OR8B2: variants seen among roughly 807,000 people sequenced by gnomAD.
OR8B2 encodes olfactory receptor 8B2.
For synonymous variants in OR8B2, 98 were observed against 138.2 expected (o/e 0.71, Z 2.04); for missense variants, 304 against 379.6 (o/e 0.80, Z 1.65).
At chr11:124,390,237 A>G in the OR8B2 span, among the ~76,000 whole-genome samples, 1 of 152,146 alleles carries the variant, frequency 6.6e-6, no homozygotes, top group Non-Finnish European at 1.5e-5. Context: ...AGGCAATGCA[A>G]TGAGGGGGGA....
chr11:124,384,527 T>C (rs1284224521), upstream of OR8B2: 2 of 152,208 alleles, frequency 1.3e-5, no homozygotes, highest in Admixed American at 1.3e-4. Context: ...TGAGCATAGA[T>C]CTCAGAATCT....
At chr11:124,386,117 C>G (rs1292511996), upstream of OR8B2, among the ~76,000 whole-genome samples, 2 of 151,472 alleles carry the variant, frequency 1.3e-5, no homozygotes, top group Admixed American at 6.6e-5. Flanking sequence ...AGTGCAGATA[C>G]TGCTTGTTTA....
At position 124,383,039 on chromosome 11, in the gene OR8B2, A is replaced by G; in HGVS notation, c.305T>C (p.Phe102Ser). 1.2e-6 allele frequency: 2 copies of G among 1,613,854 alleles called. No homozygotes were observed. Among genetic ancestry groups the G allele is most frequent in the Non-Finnish European group, 1.7e-6 (2 of 1,179,852 alleles). Residue 102 changes from phenylalanine (F) to serine (S), a missense_variant, in exon 2 of 2, where the codon TTT becomes TCT. Physicochemically the swap from Phe to Ser is radical, Grantham distance 155. Coordinates refer to ENST00000641451, the MANE Select transcript of OR8B2 (RefSeq NM_001005468.2). ...AGAGATGACGAAAAAGAGAAAGAAA[A>G]ACAGCCGAGTCATGCACCCAACATT... ...ISNVGCMTRL[F>S]FFLFFVISEC...
chr11:124,396,412 A>C, the OR8B2 span: 1 of 1,592,236 alleles, frequency 6.3e-7, no homozygotes, highest in South Asian at 1.2e-5. Context: ...GCTTCTAATT[A>C]GAATATATTT....
chr11:124,384,895 G>A (rs1348330319), upstream of OR8B2, among the ~76,000 whole-genome samples: 1 of 152,152 alleles, frequency 6.6e-6, no homozygotes, highest in South Asian at 2.1e-4. Context: ...CAGAATTTTT[G>A]CTAATTATAA....
At position 124,383,066 on chromosome 11, in the gene OR8B2, G is replaced by A; in HGVS notation, c.278C>T (p.Ser93Phe). ...MNFVSKKNII[S>F]NVGCMTRLFF... ...CAGCCGAGTCATGCACCCAACATTG[G>A]AGATAATATTCTTTTTTGACACAAA... The change falls in exon 2 of 2, where the codon TCC becomes TTC. Residue 93 changes from serine to phenylalanine, a missense_variant. Coordinates refer to ENST00000641451, the MANE Select transcript of OR8B2 (RefSeq NM_001005468.2). 1.2e-6 allele frequency: 2 copies of A among 1,613,896 alleles called. No homozygotes were observed. The highest frequency in any genetic ancestry group is 8.5e-7 in the Non-Finnish European group (1 of 1,179,868).
the OR8B2 span, chr11:124,396,795 T>A: frequency 6.2e-7 from 1 of 1,611,696 alleles, no homozygotes; most frequent in Non-Finnish European, 8.5e-7. Flanking sequence ...GCAGGAAAGC[T>A]GGAGGAGGGG....
At chr11:124,390,982 G>C in the OR8B2 span, among the ~76,000 whole-genome samples, 1 of 152,046 alleles carries the variant, frequency 6.6e-6, no homozygotes, top group African/African-American at 2.4e-5. Context: ...AGCAACAATT[G>C]CTTCAAAGCC....
chr11:124,392,668 C>T, the OR8B2 span, among the ~76,000 whole-genome samples: 3 of 131,230 alleles, frequency 2.3e-5, no homozygotes, highest in Non-Finnish European at 4.9e-5. Flanking sequence ...GAATCAATAT[C>T]GTGAAAATGG....
chr11:124,394,135 G>A, the OR8B2 span, among the ~76,000 whole-genome samples: 50 of 149,548 alleles, frequency 3.3e-4, no homozygotes, highest in Non-Finnish European at 6.4e-4. Context: ...GGGTTAGCAC[G>A]AGATATACTT....
Position 124,382,901 on chromosome 11 carries a change from G to A in OR8B2, c.443C>T (p.Ala148Val). 6.2e-7 allele frequency: 1 copy of A among 1,606,334 alleles called. No individual in the cohort carries two copies. The highest frequency in any genetic ancestry group is 8.5e-7 in the Non-Finnish European group (1 of 1,175,418). Reference sequence around the variant, plus strand: ...GGCTCCAGCCAATCCCATTATGTAAGCAGCAAAAGTGAGCATAGAACAGAC... The same window carrying A: ...GGCTCCAGCCAATCCCATTATGTAAACAGCAAAAGTGAGCATAGAACAGAC... ...HQVCSMLTFAAYIMGLAGATA... is the reference protein window; with the variant it reads ...HQVCSMLTFAVYIMGLAGATA... The change falls in exon 2 of 2, where the codon GCT becomes GTT. Residue 148 changes from alanine to valine, a missense_variant. Transcript: ENST00000641451.
chr11:124,384,425 C>T lies in OR8B2; in HGVS notation c.-69G>A, dbSNP rs1860660105. 1 of 152,212 alleles carries T rather than the reference C, an allele frequency of 6.6e-6. No homozygotes were observed. The highest frequency in any genetic ancestry group is 2.1e-4 in the South Asian group (1 of 4,826). The allele number at this position is 152,212 out of a possible 1,614,324, so 9.4% of individuals were successfully genotyped here. On this transcript the variant is annotated 5_prime_UTR_variant, in exon 1 of 2. Coordinates refer to ENST00000641451, the MANE Select transcript of OR8B2 (RefSeq NM_001005468.2). Reference sequence around the variant, plus strand: ...CTGACCATTGATATGTGTTTCACCTCCACTGCCCTGGAGGTAGAACTGGTG... The same window carrying T: ...CTGACCATTGATATGTGTTTCACCTTCACTGCCCTGGAGGTAGAACTGGTG...
chr11:124,391,695 T>G, the OR8B2 span, among the ~76,000 whole-genome samples: 1 of 152,062 alleles, frequency 6.6e-6, no homozygotes, highest in Non-Finnish European at 1.5e-5. Context: ...AAGGAGGAAC[T>G]GGTACCATTC....
At chr11:124,397,036 A>G in the OR8B2 span, 5 of 1,613,972 alleles carry the variant, frequency 3.1e-6, no homozygotes, top group Non-Finnish European at 3.4e-6. Flanking sequence ...ATGACAAAAA[A>G]GAGAAAGAAA....
chr11:124,395,425 A>T, the OR8B2 span: 127 of 152,352 alleles, frequency 8.3e-4, no homozygotes, highest in African/African-American at 3.0e-3. Context: ...AATGTGTTTC[A>T]CGTCTTGTTG....
chr11:124,387,431 T>G (rs1860719799), upstream of OR8B2, among the ~76,000 whole-genome samples: 1 of 152,104 alleles, frequency 6.6e-6, no homozygotes, highest in Non-Finnish European at 1.5e-5. Context: ...GAATTAATTT[T>G]TGTATAAGGT....
the OR8B2 span, among the ~76,000 whole-genome samples, chr11:124,391,114 A>T: frequency 1.3e-5 from 2 of 152,158 alleles, no homozygotes; most frequent in African/African-American, 4.8e-5. Context: ...TTTATAACTA[A>T]ACTAATCTGT....
At chr11:124,393,830 C>G in the OR8B2 span, among the ~76,000 whole-genome samples, 1 of 150,766 alleles carries the variant, frequency 6.6e-6, no homozygotes, top group Non-Finnish European at 1.5e-5. Flanking sequence ...GCACTATTCA[C>G]AATAGCAAAG....
chr11:124,394,037 T>C, the OR8B2 span, among the ~76,000 whole-genome samples: 1 of 138,660 alleles, frequency 7.2e-6, no homozygotes, highest in Non-Finnish European at 1.5e-5. Context: ...TTCTCACTGA[T>C]AGATGGCAAT....
Sources: allele counts gnomAD v4.1 joint callset (sites outside exome capture counted in the v4.1 genomes callset), GRCh38; gene constraint gnomAD v4.1.1; transcripts MANE v1.5; gene names NCBI Gene and HGNC (gene_info 2026-07-23, HGNC 2026-07-21).